The following RAB6A variants were observed in gnomAD, a reference collection of about 807,000 sequenced individuals.
The protein encoded by RAB6A is RAB6A, member RAS oncogene family.
A neutral mutation model predicts 32.3 loss-of-function variants in RAB6A; 8 were observed. The ratio of observed to expected loss-of-function variants is 0.25; its 90% confidence interval spans 0.15 to 0.45. The LOEUF is 0.45. Ranked by LOEUF, RAB6A falls within the 20% of genes least tolerant of loss-of-function variation. The probability of loss-of-function intolerance (pLI) is 1.00; values close to 1 mark genes in which losing one functional copy is unlikely to be tolerated. For missense variants in RAB6A, 104 were observed against 249.4 expected (o/e 0.42, Z 3.93); for synonymous variants, 73 against 82.1 (o/e 0.89, Z 0.60).
At chr11:73,704,077 A>G (rs1412389758) in intron 6 of RAB6A, 4 of 214,630 alleles carry the variant, frequency 1.9e-5, no homozygotes, top group African/African-American at 9.3e-5. Flanking sequence ...ATAGTTGTAC[A>G]ATGCTATAAA....
At chr11:73,754,299 C>T (rs1282690786) in intron 1 of RAB6A, among the ~76,000 whole-genome samples, 1 of 152,212 alleles carries the variant, frequency 6.6e-6, no homozygotes, top group African/African-American at 2.4e-5. Flanking sequence ...TATTACCTAA[C>T]CCAGCAGTTT....
chr11:73,692,056 C>T (rs1315773267), intron 6 of RAB6A, among the ~76,000 whole-genome samples: 2 of 152,040 alleles, frequency 1.3e-5, no homozygotes, highest in African/African-American at 4.8e-5. Context: ...ACCTATTGAA[C>T]GTTAATTGTC....
chr11:73,710,718 CAG>C (rs987792878), intron 5 of RAB6A, among the ~76,000 whole-genome samples: 2 of 149,386 alleles, frequency 1.3e-5, no homozygotes, highest in South Asian at 4.2e-4. Context: ...GCCTGGGCAA[CAG>C]AGAGAGACTC....
chr11:73,755,647 T>G (rs1223951063), intron 1 of RAB6A, among the ~76,000 whole-genome samples: 1 of 152,050 alleles, frequency 6.6e-6, no homozygotes, highest in African/African-American at 2.4e-5. Context: ...CATGTGCCTA[T>G]AGTCCCAGCT....
At chr11:73,682,463 A>AC (rs1178254331) in intron 6 of RAB6A, among the ~76,000 whole-genome samples, 2 of 152,166 alleles carry the variant, frequency 1.3e-5, no homozygotes, top group Non-Finnish European at 2.9e-5. Flanking sequence ...GGAGATCGAG[A>AC]CCATCTTGGC....
chr11:73,731,684 T>TTTTATATATATA lies in RAB6A; in HGVS notation c.71-862_71-861insTATATATATAAA, dbSNP rs1555064991. Among the ~76,000 whole-genome samples the TTTTATATATATA allele has an allele frequency of 2.8e-4, 4 of 14,522 alleles. 1 individual carries two copies. Among genetic ancestry groups the TTTTATATATATA allele is most frequent in the African/African-American group, 7.7e-4 (4 of 5,188 alleles). 9.5% of individuals were successfully genotyped at this position (14,522 alleles called of 152,430 possible). Reference sequence around the variant, plus strand: ...GTATTGTGAGATAGATAGATAGATATTATATATATATATATATATATATAT... The same window carrying TTTTATATATATA: ...GTATTGTGAGATAGATAGATAGATATTTTATATATATATATATATATATATATATATATATAT... On this transcript the variant is annotated intron_variant, in intron 1 of 7. Coordinates refer to ENST00000336083, the MANE Select transcript of RAB6A (RefSeq NM_198896.2).
chr11:73,692,959 AAAAACAAAAC>A (rs201171899), intron 6 of RAB6A, among the ~76,000 whole-genome samples: 72,258 of 150,514 alleles, frequency 0.48, 18,705 homozygotes, highest in East Asian at 0.59. Flanking sequence ...AGACTGTCTC[AAAAACAAAAC>A]AAAACAAAAC....
intron 6 of RAB6A, among the ~76,000 whole-genome samples, chr11:73,700,767 C>T (rs922767628): frequency 1.3e-4 from 20 of 152,014 alleles, no homozygotes; most frequent in African/African-American, 4.8e-4. Context: ...ACTATTTATG[C>T]TAGTTCTAGT....
chr11:73,746,809 T>G (rs1294279523), intron 1 of RAB6A, among the ~76,000 whole-genome samples: 1 of 151,206 alleles, frequency 6.6e-6, no homozygotes, highest in Non-Finnish European at 1.5e-5. Context: ...ACCAGACTAC[T>G]GGGTTGAAAT....
chr11:73,729,262 C>T (rs1302701761), intron 2 of RAB6A, among the ~76,000 whole-genome samples: 1 of 152,114 alleles, frequency 6.6e-6, no homozygotes, highest in Non-Finnish European at 1.5e-5. Flanking sequence ...TTATGCCTGG[C>T]TAATTTTTGT....
rs1590814737 is a variant in RAB6A, at chr11:73,677,550, G to A, written c.*348C>T. ...AAAGTAGGCTGTGAACATACCGCTC[G>A]TTAACCAAGCCATACTCATACTGTT... On this transcript the variant is annotated 3_prime_UTR_variant, in exon 8 of 8. Coordinates refer to ENST00000336083, the MANE Select transcript of RAB6A (RefSeq NM_198896.2). The A allele has an allele frequency of 1.0e-5, 5 of 498,832 alleles. No individual in the cohort carries two copies. The highest frequency in any genetic ancestry group is 3.9e-5 in the Admixed American group (1 of 25,648). The allele number at this position is 498,832 out of a possible 1,614,324, so 30.9% of individuals were successfully genotyped here. A position where few individuals can be genotyped will look rare whatever the true frequency, so the allele number is the denominator to read the frequency against.
chr11:73,730,750 G>T lies in RAB6A; in HGVS notation c.129+15C>A. ...CAAAAAATAGACAACAAATAAATTG[G>T]CAAAAACAAAATACCTGATAGGTGT... is the stretch of plus-strand genomic sequence containing the variant. On this transcript the variant is annotated intron_variant, in intron 2 of 7. Coordinates refer to ENST00000336083, the MANE Select transcript of RAB6A (RefSeq NM_198896.2). The T allele has an allele frequency of 6.3e-7, 1 of 1,582,096 alleles. No homozygotes were observed. The highest frequency in any genetic ancestry group is 1.2e-5 in the South Asian group (1 of 86,672).
chr11:73,702,525 A>G (rs1861315625), intron 6 of RAB6A, among the ~76,000 whole-genome samples: 1 of 152,212 alleles, frequency 6.6e-6, no homozygotes, highest in African/African-American at 2.4e-5. Flanking sequence ...TATACCTGAT[A>G]ACTGTAAAAA....
Position 73,676,140 on chromosome 11 carries a change from A to G in RAB6A, c.*1758T>C, listed in dbSNP as rs928193516. ...GTGGGAAGTGGAGGAGGAAGAGGAA[A>G]GAGAGGGGACTAAGGTTCTCCCAGT... On this transcript the variant is annotated 3_prime_UTR_variant, in exon 8 of 8. Transcript: ENST00000336083. 29 of 167,080 alleles carry G rather than the reference A, an allele frequency of 1.7e-4. No homozygotes were observed. The highest frequency in any genetic ancestry group is 6.5e-4 in the African/African-American group (27 of 41,460). 10.3% of individuals were successfully genotyped at this position (167,080 alleles called of 1,614,324 possible). A position where few individuals can be genotyped will look rare whatever the true frequency, so the allele number is the denominator to read the frequency against.
intron 1 of RAB6A, among the ~76,000 whole-genome samples, chr11:73,750,213 A>G (rs1405650449): frequency 6.6e-6 from 1 of 152,216 alleles, no homozygotes; most frequent in Non-Finnish European, 1.5e-5. Context: ...AACGGACAGG[A>G]TAACAAGGAG....
At position 73,679,740 on chromosome 11, in the gene RAB6A, G is replaced by C; in HGVS notation, c.496-20C>G. ...AAAGAGCTGTGGGAAAGAGAGAAAA[G>C]TGATAACTGAGAGGGAACATTTAGC... On this transcript the variant is annotated intron_variant, in intron 6 of 7. Coordinates refer to ENST00000336083, the MANE Select transcript of RAB6A (RefSeq NM_198896.2). 1 of 1,613,648 alleles carries C rather than the reference G, an allele frequency of 6.2e-7. No individual in the cohort carries two copies. Among genetic ancestry groups the C allele is most frequent in the Non-Finnish European group, 8.5e-7 (1 of 1,179,564 alleles).
At chr11:73,724,484 G>GTTTTTTT (rs34665371) in intron 2 of RAB6A, among the ~76,000 whole-genome samples, 3 of 123,364 alleles carry the variant, frequency 2.4e-5, no homozygotes, top group African/African-American at 6.2e-5. Context: ...AATGCATTTC[G>GTTTTTTT]TTTTTTTTTT....
At chr11:73,680,773 A>G (rs1400971215) in intron 6 of RAB6A, among the ~76,000 whole-genome samples, 1 of 152,116 alleles carries the variant, frequency 6.6e-6, no homozygotes, top group African/African-American at 2.4e-5. Flanking sequence ...AGATTAATAC[A>G]CCACCCCTCA....
At chr11:73,728,353 T>A (rs1419802372) in intron 2 of RAB6A, among the ~76,000 whole-genome samples, 1 of 152,196 alleles carries the variant, frequency 6.6e-6, no homozygotes, top group Non-Finnish European at 1.5e-5. Flanking sequence ...TATGTTTTTA[T>A]CATGAAACGC....
Sources: allele counts gnomAD v4.1 joint callset (sites outside exome capture counted in the v4.1 genomes callset), GRCh38; gene constraint gnomAD v4.1.1; transcripts MANE v1.5; gene names NCBI Gene and HGNC (gene_info 2026-07-23, HGNC 2026-07-21).